Variants in PKNOX2 observed in about 807,000 individuals in gnomAD.
The protein encoded by PKNOX2 is homeobox protein PKNOX2.
A neutral mutation model predicts 53.1 loss-of-function variants in PKNOX2; 14 were observed. The ratio of observed to expected loss-of-function variants is 0.26; its 90% CI spans 0.17 to 0.41. The LOEUF (loss-of-function observed/expected upper bound fraction) is 0.41. Among genes scored for constraint, PKNOX2 ranks in the 10% least tolerant of loss-of-function variants. The pLI, the probability that PKNOX2 is intolerant of heterozygous loss-of-function variation, is 1.00. For synonymous variants in PKNOX2, 257 were observed against 242.8 expected (o/e 1.06, Z -0.54); for missense variants, 496 against 602.8 (o/e 0.82, Z 1.85).
At chr11:125,289,878 C>T (rs1947195305) in intron 2 of PKNOX2, among the ~76,000 whole-genome samples, 1 of 152,210 alleles carries the variant, frequency 6.6e-6, no homozygotes, top group African/African-American at 2.4e-5. Flanking sequence ...CTGGAGGCTT[C>T]ATCCGTTGCC....
chr11:125,237,011 C>T (rs1315341563), intron 2 of PKNOX2, among the ~76,000 whole-genome samples: 1 of 152,204 alleles, frequency 6.6e-6, no homozygotes, highest in African/African-American at 2.4e-5. Context: ...CGTGGTGGGG[C>T]AGCTTGTCTC....
chr11:125,276,036 G>A lies in PKNOX2; in HGVS notation c.-130+40921G>A, dbSNP rs140648232. ...CTGAGAAGGAGTGCTTGCGAAATAC[G>A]GGAAAAACCAGAGGAGCGAAGTATC... is the stretch of plus-strand genomic sequence containing the variant. On this transcript the variant is annotated intron_variant, in intron 2 of 12. Coordinates refer to ENST00000298282, the MANE Select transcript of PKNOX2 (RefSeq NM_001382323.2). Among the ~76,000 whole-genome samples, 54 of 152,246 alleles carry A rather than the reference G, an allele frequency of 3.5e-4. No homozygotes were observed. The East Asian group carries it at 7.7e-3, about 22-fold the overall frequency.
At chr11:125,224,206 C>T (rs1941477567) in intron 1 of PKNOX2, among the ~76,000 whole-genome samples, 1 of 152,268 alleles carries the variant, frequency 6.6e-6, no homozygotes, top group Non-Finnish European at 1.5e-5. Flanking sequence ...CTTCCCTGGC[C>T]TCTCCGTGCC....
chr11:125,365,411 T>C (rs1952137983), intron 4 of PKNOX2, among the ~76,000 whole-genome samples: 1 of 152,172 alleles, frequency 6.6e-6, no homozygotes, highest in East Asian at 1.9e-4. Context: ...AGCTGTCAAC[T>C]AAAACACGGC....
At chr11:125,391,866 T>C (rs1405376543) in intron 6 of PKNOX2, among the ~76,000 whole-genome samples, 1 of 152,194 alleles carries the variant, frequency 6.6e-6, no homozygotes, top group African/African-American at 2.4e-5. Flanking sequence ...CATTTGGCGG[T>C]GATGTTGAAT....
At chr11:125,186,610 C>T (rs1956462417) in intron 1 of PKNOX2, among the ~76,000 whole-genome samples, 1 of 152,130 alleles carries the variant, frequency 6.6e-6, no homozygotes, top group Non-Finnish European at 1.5e-5. Flanking sequence ...TGTGATTGCA[C>T]CACTGAACTC....
chr11:125,363,710 G>A (rs1271306602), intron 4 of PKNOX2, among the ~76,000 whole-genome samples: 2 of 152,190 alleles, frequency 1.3e-5, no homozygotes, highest in Admixed American at 1.3e-4. Context: ...GAGACCAGCT[G>A]TGAATGCACC....
intron 2 of PKNOX2, among the ~76,000 whole-genome samples, chr11:125,295,749 C>A (rs761039900): frequency 6.6e-6 from 1 of 152,204 alleles, no homozygotes; most frequent in Non-Finnish European, 1.5e-5. Flanking sequence ...CTGGGGCTCG[C>A]ATGGACTGCC....
chr11:125,296,844 C>G (rs1947693645), intron 2 of PKNOX2, among the ~76,000 whole-genome samples: 1 of 152,110 alleles, frequency 6.6e-6, no homozygotes, highest in Non-Finnish European at 1.5e-5. Context: ...CCATGTTAGC[C>G]AGGATGGTCT....
intron 1 of PKNOX2, among the ~76,000 whole-genome samples, chr11:125,205,049 A>G (rs1481496156): frequency 6.6e-6 from 1 of 152,232 alleles, no homozygotes; most frequent in Admixed American, 6.5e-5. Context: ...GTAGTCCCAG[A>G]ACCCAGCATC....
At chr11:125,371,774 A>C (rs982684135) in intron 5 of PKNOX2, among the ~76,000 whole-genome samples, 2 of 152,030 alleles carry the variant, frequency 1.3e-5, no homozygotes, top group Non-Finnish European at 2.9e-5. Flanking sequence ...CATTACTGAT[A>C]AGGAAAAGCT....
intron 2 of PKNOX2, among the ~76,000 whole-genome samples, chr11:125,257,242 C>G (rs1944473239): frequency 6.6e-6 from 1 of 152,212 alleles, no homozygotes; most frequent in Non-Finnish European, 1.5e-5. Context: ...ATCCCTGCTC[C>G]TTTTCCTCTT....
At chr11:125,191,895 C>T (rs556984312) in intron 1 of PKNOX2, among the ~76,000 whole-genome samples, 118 of 152,286 alleles carry the variant, frequency 7.7e-4, no homozygotes, top group African/African-American at 2.5e-3. Context: ...CACATTTCAC[C>T]GGAAGCTTGA....
At chr11:125,416,297 C>T (rs566252307) in intron 10 of PKNOX2, among the ~76,000 whole-genome samples, 164 of 92,156 alleles carry the variant, frequency 1.8e-3, no homozygotes, top group Non-Finnish European at 2.4e-3. Flanking sequence ...AGCGAGACGC[C>T]GTCTCAAAAA....
chr11:125,328,384 T>TGAGA (rs1174597330), intron 2 of PKNOX2, among the ~76,000 whole-genome samples: 4 of 125,060 alleles, frequency 3.2e-5, no homozygotes, highest in Non-Finnish European at 6.7e-5. Flanking sequence ...AGAGAGTGAG[T>TGAGA]GAGAGAGAAA....
intron 2 of PKNOX2, chr11:125,239,517 A>G (rs1422076462): frequency 1.3e-5 from 2 of 152,186 alleles, no homozygotes; most frequent in African/African-American, 2.4e-5. Context: ...AAGAACCACT[A>G]AAAGGGTGGA....
chr11:125,287,985 A>C (rs1468689688), intron 2 of PKNOX2: 1 of 152,268 alleles, frequency 6.6e-6, no homozygotes, highest in East Asian at 1.9e-4. Flanking sequence ...CCCAGCTCCA[A>C]GTACCTGCCA....
chr11:125,255,880 G>A (rs1022604622), intron 2 of PKNOX2, among the ~76,000 whole-genome samples: 10 of 151,670 alleles, frequency 6.6e-5, no homozygotes, highest in Admixed American at 1.3e-4. Context: ...ACCCTTCCCA[G>A]CCCCTTGCCC....
At position 125,280,102 on chromosome 11, in the gene PKNOX2, CTT is replaced by C. The variant is rs35541174; in HGVS notation, c.-130+45003_-130+45004del. 3.2e-3 allele frequency among the ~76,000 whole-genome samples: 427 copies of C among 133,080 alleles called. 2 individuals are homozygous for C. Among genetic ancestry groups the C allele is most frequent in the East Asian group, 0.02 (94 of 4,718 alleles). The allele number at this position is 133,080 out of a possible 152,430, so 87.3% of individuals were successfully genotyped here. ...AGTCCCTGATAAAGGATTTTTTTTC[CTT>C]TTTTTTTTTTTTTTTAACCAGCATG... is the stretch of plus-strand genomic sequence containing the variant. On this transcript the variant is annotated intron_variant, in intron 2 of 12. Transcript: ENST00000298282.
Sources: gnomAD v4.1 joint callset for allele counts (sites outside exome capture counted in the v4.1 genomes callset) on GRCh38, gnomAD v4.1.1 for gene constraint, MANE v1.5 for transcripts, NCBI Gene and HGNC (gene_info 2026-07-23, HGNC 2026-07-21) for gene names.